Variants in CCDC3 observed in about 807,000 individuals in gnomAD.
CCDC3 encodes coiled-coil domain-containing protein 3.
CCDC3 carries 24 observed loss-of-function variants against 21.4 expected under a neutral mutation model. The observed-to-expected ratio is 1.12, with a 90% CI of 0.81 to 1.58. The LOEUF is 1.58. Ranked by LOEUF, CCDC3 falls within the 40% of genes most tolerant of loss-of-function variation. CCDC3 has a pLI of 0.00. For missense variants in CCDC3, 425 were observed against 360.9 expected, an observed-to-expected ratio of 1.18 and a Z score of -1.44; for synonymous variants, 186 against 166.0, an observed-to-expected ratio of 1.12 and a Z score of -0.93.
intron 2 of CCDC3, among the ~76,000 whole-genome samples, chr10:12,953,346 A>C (rs913893272): frequency 6.6e-6 from 1 of 152,180 alleles, no homozygotes; most frequent in African/African-American, 2.4e-5. Context: ...GGAATTCAAG[A>C]TAAGATTTGG....
At chr10:13,018,881 G>C (rs1836106639) in intron 5 of CCDC3, among the ~76,000 whole-genome samples, 1 of 151,388 alleles carries the variant, frequency 6.6e-6, no homozygotes, top group Non-Finnish European at 1.5e-5. Context: ...GGTTTGCAGT[G>C]AGCCGAGATC....
intron 2 of CCDC3, among the ~76,000 whole-genome samples, chr10:12,902,381 T>A (rs944807319): frequency 2.0e-5 from 3 of 152,164 alleles, no homozygotes; most frequent in African/African-American, 7.2e-5. Flanking sequence ...GTATTTCTAT[T>A]GTCTTGTGGA....
At chr10:12,997,174 C>G (rs1485690433) in intron 2 of CCDC3, among the ~76,000 whole-genome samples, 1 of 151,928 alleles carries the variant, frequency 6.6e-6, no homozygotes, top group African/African-American at 2.4e-5. Flanking sequence ...AAAGACACTT[C>G]CCTCAAACCC....
chr10:12,950,072 C>CA (rs1331788082), intron 2 of CCDC3, among the ~76,000 whole-genome samples: 2 of 152,202 alleles, frequency 1.3e-5, no homozygotes, highest in Non-Finnish European at 2.9e-5. Context: ...TCCATGCCTT[C>CA]ACTCTGGCCA....
intron 2 of CCDC3, among the ~76,000 whole-genome samples, chr10:12,986,766 C>G (rs1195171983): frequency 1.5e-5 from 2 of 135,748 alleles, no homozygotes; most frequent in African/African-American, 5.2e-5. Context: ...GAGCGAGACT[C>G]CGTCTCAAAA....
exon 4 of CCDC3, chr10:13,073,879 T>G (rs1015990981): frequency 3.9e-5 from 6 of 152,156 alleles, no homozygotes; most frequent in Non-Finnish European, 5.9e-5. Flanking sequence ...TTTGCTTTTT[T>G]CTTTTCTTCC....
At chr10:12,910,249 CT>C (rs1834246665) in intron 2 of CCDC3, among the ~76,000 whole-genome samples, 1 of 152,188 alleles carries the variant, frequency 6.6e-6, no homozygotes, top group South Asian at 2.1e-4. Flanking sequence ...TTAGCAAGAC[CT>C]TGCTTCAAAT....
intron 2 of CCDC3, among the ~76,000 whole-genome samples, chr10:12,943,960 T>A (rs1284181940): frequency 6.6e-6 from 1 of 152,148 alleles, no homozygotes; most frequent in Non-Finnish European, 1.5e-5. Context: ...AAGGGACAGG[T>A]TCCACTGGCC....
intron 5 of CCDC3, among the ~76,000 whole-genome samples, chr10:13,038,842 T>G (rs1279534795): frequency 6.6e-6 from 1 of 152,152 alleles, no homozygotes; most frequent in Non-Finnish European, 1.5e-5. Flanking sequence ...GAGGGCTGTT[T>G]TCTCCCACAC....
chr10:13,039,048 T>C (rs1310404889), intron 5 of CCDC3, among the ~76,000 whole-genome samples: 1 of 152,188 alleles, frequency 6.6e-6, no homozygotes, highest in East Asian at 1.9e-4. Context: ...AGAGCTCAAA[T>C]GCCACCACGC....
intron 3 of CCDC3, among the ~76,000 whole-genome samples, chr10:13,082,328 G>C (rs1462055931): frequency 6.6e-6 from 1 of 152,262 alleles, no homozygotes. Context: ...CCAAGGCGGA[G>C]AGAGAGGACA....
At chr10:13,029,565 C>T (rs780059440) in intron 5 of CCDC3, among the ~76,000 whole-genome samples, 6 of 152,062 alleles carry the variant, frequency 3.9e-5, no homozygotes, top group Non-Finnish European at 7.4e-5. Flanking sequence ...GATGTCCGAA[C>T]CCATCGCAAA....
chr10:13,025,106 C>G (rs181182465), intron 5 of CCDC3, among the ~76,000 whole-genome samples: 1 of 152,102 alleles, frequency 6.6e-6, no homozygotes, highest in East Asian at 1.9e-4. Context: ...GTGGGTTGAC[C>G]AGGGGGTTAT....
At chr10:12,927,247 C>G (rs1403722174) in intron 2 of CCDC3, among the ~76,000 whole-genome samples, 3 of 152,134 alleles carry the variant, frequency 2.0e-5, no homozygotes, top group Admixed American at 6.5e-5. Context: ...ATCTGCTGGC[C>G]CTTCCCCAAC....
chr10:13,001,173 T>A (rs1835844324), intron 1 of CCDC3, 24 bp downstream of exon 1: 1 of 1,534,548 alleles, frequency 6.5e-7, no homozygotes, highest in Admixed American at 2.0e-5. Context: ...GAGAGAGAGG[T>A]GGCGGCGGCG....
chr10:13,063,139 G>A (rs937011554), intron 4 of CCDC3, among the ~76,000 whole-genome samples: 22 of 115,300 alleles, frequency 1.9e-4, no homozygotes, highest in Non-Finnish European at 3.7e-4. Flanking sequence ...TTTGCTCCCC[G>A]AATGTTCGGG....
intron 5 of CCDC3, among the ~76,000 whole-genome samples, chr10:13,038,716 A>G (rs1836411390): frequency 6.6e-6 from 1 of 152,230 alleles, no homozygotes; most frequent in African/African-American, 2.4e-5. Context: ...ATTAGAAGCA[A>G]TAATAAGGAC....
intron 3 of CCDC3, among the ~76,000 whole-genome samples, chr10:13,075,588 G>GA (rs1211375370): frequency 1.2e-4 from 19 of 152,006 alleles, no homozygotes; most frequent in African/African-American, 2.4e-5. Flanking sequence ...AATAAACCAG[G>GA]AAAAAACCCT....
chr10:12,926,987 T>G (rs1251021), intron 2 of CCDC3, among the ~76,000 whole-genome samples: 1 of 152,048 alleles, frequency 6.6e-6, no homozygotes, highest in Non-Finnish European at 1.5e-5. Context: ...CAATTTCCAT[T>G]TTGGAAAAAA....
Sources: allele counts gnomAD v4.1 joint callset (sites outside exome capture counted in the v4.1 genomes callset), GRCh38; gene constraint gnomAD v4.1.1; transcripts MANE v1.5; gene names NCBI Gene and HGNC (gene_info 2026-07-23, HGNC 2026-07-21).